The following NCK2 variants were observed in gnomAD, a reference collection of about 807,000 sequenced individuals.
NCK2 encodes NCK adaptor protein 2, also known as cytoplasmic protein NCK2.
A neutral mutation model predicts 33.9 loss-of-function variants in NCK2; 16 were observed. The observed-to-expected ratio is 0.47, with a 90% CI of 0.32 to 0.72. NCK2 has a LOEUF of 0.72. Among genes scored for constraint, NCK2 ranks in the 30% least tolerant of loss-of-function variants. NCK2 has a pLI of 0.03. For synonymous variants in NCK2, 273 were observed against 239.9 expected (o/e 1.14, Z -1.27); for missense variants, 418 against 537.3 (o/e 0.78, Z 2.19).
At chr2:105,845,027 C>T (rs1004934789) in intron 2 of NCK2, among the ~76,000 whole-genome samples, 2 of 152,048 alleles carry the variant, frequency 1.3e-5, no homozygotes, top group African/African-American at 4.8e-5. Context: ...TACACAGGGT[C>T]CCTGCTGGCA....
At chr2:105,891,263 TTTG>T (rs767582966) in intron 4 of NCK2, among the ~76,000 whole-genome samples, 13 of 151,802 alleles carry the variant, frequency 8.6e-5, no homozygotes, top group Non-Finnish European at 1.5e-4. Context: ...CTTTTTTTTG[TTTG>T]TTTTCTTTTT....
chr2:105,860,749 C>T (rs1292502253), intron 3 of NCK2, among the ~76,000 whole-genome samples: 1 of 151,558 alleles, frequency 6.6e-6, no homozygotes, highest in Non-Finnish European at 1.5e-5. Flanking sequence ...CCGTGGATGC[C>T]GGCGGCGCTG....
chr2:105,768,875 C>T (rs1215329080), intron 1 of NCK2, among the ~76,000 whole-genome samples: 2 of 152,178 alleles, frequency 1.3e-5, no homozygotes, highest in African/African-American at 2.4e-5. Flanking sequence ...GGGGGAGACA[C>T]CTCCTAGTGC....
At chr2:105,825,418 G>A (rs960558077) in intron 2 of NCK2, among the ~76,000 whole-genome samples, 11 of 152,324 alleles carry the variant, frequency 7.2e-5, no homozygotes, top group Admixed American at 2.0e-4. Context: ...GACCCTCAGT[G>A]GAGACTTGTC....
chr2:105,792,356 G>A (rs1314896922), intron 1 of NCK2, among the ~76,000 whole-genome samples: 6 of 152,122 alleles, frequency 3.9e-5, no homozygotes, highest in African/African-American at 1.4e-4. Context: ...ATCAATTAAT[G>A]GCCAATCCTT....
At chr2:105,866,582 T>C (rs1355054584) in intron 3 of NCK2, among the ~76,000 whole-genome samples, 1 of 152,222 alleles carries the variant, frequency 6.6e-6, no homozygotes, top group Non-Finnish European at 1.5e-5. Context: ...GCTAGATCCC[T>C]CACAGGCGTA....
chr2:105,754,328 T>C (rs1410149689), intron 1 of NCK2, among the ~76,000 whole-genome samples: 1 of 152,160 alleles, frequency 6.6e-6, no homozygotes, highest in Non-Finnish European at 1.5e-5. Context: ...AGTTAGAAAG[T>C]GGTGAGATCA....
chr2:105,773,110 G>C (rs971808269), intron 1 of NCK2, among the ~76,000 whole-genome samples: 3 of 151,288 alleles, frequency 2.0e-5, no homozygotes, highest in African/African-American at 7.3e-5. Context: ...TGTTATCCAG[G>C]CTGGTCTGTA....
Position 105,881,996 on chromosome 2 carries a change from C to T in NCK2, c.895C>T (p.Leu299Phe), listed in dbSNP as rs1244215593. ...NVTRHQAECA[L>F]NERGVEGDFL... ...GACGCGGCACCAGGCCGAGTGCGCC[C>T]TCAACGAGCGGGGCGTGGAGGGCGA... The change falls in exon 4 of 5, where the codon CTC becomes TTC. Residue 299 changes from leucine to phenylalanine, a missense_variant. Transcript: ENST00000233154. 6.6e-7 allele frequency: 1 copy of T among 1,510,284 alleles called. No homozygotes were observed. Among genetic ancestry groups the T allele is most frequent in the Non-Finnish European group, 8.9e-7 (1 of 1,129,142 alleles). 93.6% of individuals were successfully genotyped at this position (1,510,284 alleles called of 1,614,324 possible). A position where few individuals can be genotyped will look rare whatever the true frequency, so the allele number is the denominator to read the frequency against.
intron 3 of NCK2, among the ~76,000 whole-genome samples, chr2:105,859,871 T>C (rs1013222538): frequency 2.6e-5 from 4 of 152,116 alleles, no homozygotes; most frequent in Non-Finnish European, 5.9e-5. Context: ...TGCCCTGGGG[T>C]CTGTGGGGCA....
intron 1 of NCK2, among the ~76,000 whole-genome samples, chr2:105,796,339 T>G (rs943943248): frequency 6.6e-5 from 10 of 152,220 alleles, no homozygotes; most frequent in Non-Finnish European, 1.5e-4. Context: ...TAGTGTCAGT[T>G]TATCTTATCT....
At chr2:105,760,991 T>C (rs1689747717) in intron 1 of NCK2, among the ~76,000 whole-genome samples, 1 of 152,244 alleles carries the variant, frequency 6.6e-6, no homozygotes, top group African/African-American at 2.4e-5. Flanking sequence ...GATTGGGATC[T>C]GGGTGGCCCT....
Position 105,892,410 on chromosome 2 carries a change from C to G in NCK2, c.949-572C>G, listed in dbSNP as rs540577581. On this transcript the variant is annotated intron_variant, in intron 4 of 4. Coordinates refer to ENST00000233154, the MANE Select transcript of NCK2 (RefSeq NM_003581.5). ...CTGTATATTCCATAATGAGTTTGCA[C>G]TTTTCAAATAACTAAAACGCATTTA... 5.4e-4 allele frequency among the ~76,000 whole-genome samples: 82 copies of G among 152,308 alleles called. No individual in the cohort carries two copies. In the Middle Eastern group the frequency reaches 0.014, roughly 25 times the overall value.
At chr2:105,857,432 A>T (rs927992568) in intron 3 of NCK2, among the ~76,000 whole-genome samples, 1 of 152,238 alleles carries the variant, frequency 6.6e-6, no homozygotes, top group African/African-American at 2.4e-5. Flanking sequence ...AGATTGTTAG[A>T]AAGCTCTTCC....
chr2:105,774,035 G>T (rs975231677), intron 1 of NCK2, among the ~76,000 whole-genome samples: 1 of 149,760 alleles, frequency 6.7e-6, no homozygotes, highest in African/African-American at 2.5e-5. Flanking sequence ...TTGAGACGGA[G>T]TCTCGCCCTG....
chr2:105,764,741 C>G (rs892320049), intron 1 of NCK2, among the ~76,000 whole-genome samples: 2 of 152,198 alleles, frequency 1.3e-5, no homozygotes, highest in African/African-American at 4.8e-5. Context: ...GAGATGCTTC[C>G]TGTAATCTCA....
rs546542316 is a variant in NCK2 at position 105,815,365 on chromosome 2, A to G, written c.-200-1065A>G. ...TCTTCTTATCTTTGACTAAAATAGA[A>G]TTCGATTTTTCTATGGGGTATTTAA... On this transcript the variant is annotated intron_variant, in intron 1 of 4. Transcript: ENST00000233154. Among the ~76,000 whole-genome samples the G allele has an allele frequency of 2.6e-3, 389 of 152,316 alleles. 13 individuals are homozygous for G. In the Middle Eastern group the frequency reaches 0.027, roughly 11 times the overall value.
At position 105,882,035 on chromosome 2, in the gene NCK2, G is replaced by T; in HGVS notation, c.934G>T (p.Asp312Tyr). Reference protein sequence around the residue: ...RGVEGDFLIRDSESSPSDFSV... With the variant: ...RGVEGDFLIRYSESSPSDFSV... ...CGTGGAGGGCGACTTCCTCATTAGG[G>T]ACAGCGAGTCCTCGGTAAGTGCGCT... The change falls in exon 4 of 5, where the codon GAC (aspartate) becomes TAC (tyrosine). Residue 312 changes from aspartate (D) to tyrosine (Y), a missense_variant. Physicochemically the swap from Asp to Tyr is radical, Grantham distance 160. Transcript: ENST00000233154. 1 of 1,500,416 alleles carries T rather than the reference G, an allele frequency of 6.7e-7. No individual in the cohort carries two copies. Among genetic ancestry groups the T allele is most frequent in the South Asian group, 1.4e-5 (1 of 73,080 alleles). The allele number at this position is 1,500,416 out of a possible 1,614,324, so 92.9% of individuals were successfully genotyped here.
intron 1 of NCK2, among the ~76,000 whole-genome samples, chr2:105,782,170 T>A (rs996782144): frequency 6.6e-6 from 1 of 152,122 alleles, no homozygotes; most frequent in African/African-American, 2.4e-5. Context: ...ATCATCTCTT[T>A]CCCCTCTCTT....
Sources: gnomAD v4.1 joint callset for allele counts (sites outside exome capture counted in the v4.1 genomes callset) on GRCh38, gnomAD v4.1.1 for gene constraint, MANE v1.5 for transcripts, NCBI Gene and HGNC (gene_info 2026-07-23, HGNC 2026-07-21) for gene names.